TDRD5: variants seen among roughly 807,000 people sequenced by gnomAD.
TDRD5 encodes tudor domain-containing protein 5.
A neutral mutation model predicts 120.6 loss-of-function variants in TDRD5; 41 were observed. The observed-to-expected ratio is 0.34, with a 90% CI of 0.26 to 0.44. The LOEUF is 0.44. Among genes scored for constraint, TDRD5 ranks in the 20% least tolerant of loss-of-function variants. TDRD5 has a pLI of 1.00. For missense variants in TDRD5, 1,006 were observed against 1,221.2 expected (o/e 0.82, Z 2.63); for synonymous variants, 430 against 433.7 (o/e 0.99, Z 0.11).
At chr1:179,675,183 A>T (rs1325212959) in intron 17 of TDRD5, among the ~76,000 whole-genome samples, 1 of 151,022 alleles carries the variant, frequency 6.6e-6, no homozygotes, top group African/African-American at 2.4e-5. Context: ...AATGCTATGA[A>T]CTTTCCTCTA....
At chr1:179,621,224 G>T (rs1034119409) in intron 6 of TDRD5, 133 bp downstream of exon 6, 5 of 663,478 alleles carry the variant, frequency 7.5e-6, no homozygotes, top group Non-Finnish European at 1.2e-5. Context: ...TTGCATTTTA[G>T]TATATTATAA....
intron 17 of TDRD5, among the ~76,000 whole-genome samples, chr1:179,687,609 T>C (rs1680798565): frequency 6.6e-6 from 1 of 152,202 alleles, no homozygotes. Context: ...GTTAACTTTC[T>C]GTCTCATTGA....
intron 4 of TDRD5, among the ~76,000 whole-genome samples, chr1:179,606,259 A>G (rs1395042593): frequency 1.9e-5 from 2 of 104,764 alleles, no homozygotes; most frequent in Admixed American, 2.1e-4. Flanking sequence ...AGGTCTGTTC[A>G]GGTATTTTGC....
At chr1:179,621,014 A>G (rs775933524) in intron 5 of TDRD5, 21 bp from the exon 6 acceptor site, 2 of 1,575,896 alleles carry the variant, frequency 1.3e-6, no homozygotes, top group Non-Finnish European at 8.6e-7. Flanking sequence ...TCTATATTGT[A>G]TTTCACTTTC....
intron 17 of TDRD5, among the ~76,000 whole-genome samples, chr1:179,678,017 C>T (rs908461163): frequency 1.3e-5 from 2 of 151,954 alleles, no homozygotes; most frequent in Non-Finnish European, 2.9e-5. Flanking sequence ...AGATCACCAA[C>T]CAGGTGGGGG....
Position 179,599,626 on chromosome 1 carries a change from T to C in TDRD5, c.831+3808T>C, listed in dbSNP as rs147945566. ...GTCAAATTTATTGAAATAAAGTTGT[T>C]CATAATGTTCTCCCAGTAACATTTT... On this transcript the variant is annotated intron_variant, in intron 4 of 17. Transcript: ENST00000444136. Among the ~76,000 whole-genome samples, 416 of 152,246 alleles carry C rather than the reference T, an allele frequency of 2.7e-3. 3 individuals carry two copies. The highest frequency in any genetic ancestry group is 9.5e-3 in the African/African-American group (393 of 41,560).
intron 4 of TDRD5, among the ~76,000 whole-genome samples, chr1:179,617,365 C>T (rs1192367342): frequency 6.6e-6 from 1 of 152,126 alleles, no homozygotes; most frequent in Non-Finnish European, 1.5e-5. Context: ...CACCATGTGC[C>T]AGGCATTATG....
intron 11 of TDRD5, among the ~76,000 whole-genome samples, chr1:179,646,123 C>T (rs2102044762): frequency 6.6e-6 from 1 of 152,094 alleles, no homozygotes; most frequent in African/African-American, 2.4e-5. Context: ...TATGGTCTAC[C>T]TATTCTTTTT....
At chr1:179,602,011 G>C (rs1490693431) in intron 4 of TDRD5, among the ~76,000 whole-genome samples, 1 of 152,194 alleles carries the variant, frequency 6.6e-6, no homozygotes, top group South Asian at 2.1e-4. Flanking sequence ...TCACCATGTT[G>C]TCCAGGCTGG....
At chr1:179,661,195 T>C (rs773883778) in intron 14 of TDRD5, among the ~76,000 whole-genome samples, 13 of 152,206 alleles carry the variant, frequency 8.5e-5, no homozygotes, top group Non-Finnish European at 1.8e-4. Flanking sequence ...TTTGGTGAAC[T>C]TCTTGAATCT....
intron 11 of TDRD5, among the ~76,000 whole-genome samples, chr1:179,642,531 T>G (rs1678109733): frequency 6.6e-6 from 1 of 152,258 alleles, no homozygotes; most frequent in Non-Finnish European, 1.5e-5. Context: ...TGTTATTTCC[T>G]CAAAAAGGAC....
chr1:179,618,462 T>C (rs1016406656), intron 4 of TDRD5, 137 bp from the exon 5 acceptor site: 7 of 521,442 alleles, frequency 1.3e-5, no homozygotes, highest in Non-Finnish European at 2.3e-5. Flanking sequence ...ACAGTTCCTC[T>C]TAAGAACAGT....
chr1:179,611,942 A>G lies in TDRD5; in HGVS notation c.832-6657A>G, dbSNP rs187590221. On this transcript the variant is annotated intron_variant, in intron 4 of 17. Transcript: ENST00000444136. ...ATTCCCAAACTATGTATTTTAATTTATGGTAGGACAAACACTACAAAATTA... is the reference window on the plus strand; with the variant it reads ...ATTCCCAAACTATGTATTTTAATTTGTGGTAGGACAAACACTACAAAATTA... Among the ~76,000 whole-genome samples the G allele has an allele frequency of 2.5e-3, 377 of 152,276 alleles. 1 individual carries two copies. The highest frequency in any genetic ancestry group is 8.5e-3 in the African/African-American group (354 of 41,556).
chr1:179,616,746 G>A (rs763199311), intron 4 of TDRD5, among the ~76,000 whole-genome samples: 16 of 151,970 alleles, frequency 1.1e-4, no homozygotes, highest in Non-Finnish European at 2.1e-4. Context: ...TACCATGTCT[G>A]TCTGCAGAAT....
chr1:179,679,912 A>G (rs1369410045), intron 17 of TDRD5, among the ~76,000 whole-genome samples: 1 of 152,064 alleles, frequency 6.6e-6, no homozygotes, highest in Admixed American at 6.6e-5. Flanking sequence ...TTGAAACCTT[A>G]GATCATTCAT....
Position 179,634,627 on chromosome 1 carries a change from C to A in TDRD5, c.1297C>A (p.Leu433Met). The change falls in exon 8 of 18, where the codon CTG becomes ATG. Residue 433 changes from leucine (L) to methionine (M), a missense_variant and splice_region_variant. Leu to Met is a conservative substitution (Grantham distance 15). Transcript: ENST00000444136. ...KPNLVVKPLQ[L>M]QVETNKSELN... is the part of the protein sequence containing the mutation. ...TAATCTGGTGGTAAAGCCTTTACAG[C>A]TGGTGAGTGAGGTTTAAAGACTGTG... The A allele has an allele frequency of 6.2e-7, 1 of 1,607,738 alleles. No individual in the cohort carries two copies. Among genetic ancestry groups the A allele is most frequent in the Non-Finnish European group, 8.5e-7 (1 of 1,178,352 alleles).
At chr1:179,682,709 T>A (rs1680493125) in intron 17 of TDRD5, among the ~76,000 whole-genome samples, 1 of 152,066 alleles carries the variant, frequency 6.6e-6, no homozygotes, top group African/African-American at 2.4e-5. Context: ...CTTTCAGTGT[T>A]CCTTTTAGGT....
At chr1:179,650,577 T>C (rs538023179) in intron 11 of TDRD5, among the ~76,000 whole-genome samples, 1 of 152,272 alleles carries the variant, frequency 6.6e-6, no homozygotes, top group South Asian at 2.1e-4. Flanking sequence ...TTTTTAGTTG[T>C]TTTCTGTGGG....
At chr1:179,615,228 C>T (rs1414014863) in intron 4 of TDRD5, among the ~76,000 whole-genome samples, 2 of 152,028 alleles carry the variant, frequency 1.3e-5, no homozygotes. Context: ...GCTTATTTAC[C>T]TCTGTATATC....
Sources: gnomAD v4.1 joint callset for allele counts (sites outside exome capture counted in the v4.1 genomes callset) on GRCh38, gnomAD v4.1.1 for gene constraint, MANE v1.5 for transcripts, NCBI Gene and HGNC (gene_info 2026-07-23, HGNC 2026-07-21) for gene names.